The following NDC80 variants were observed in gnomAD, a reference collection of about 807,000 sequenced individuals.
The protein encoded by NDC80 is kinetochore protein NDC80 homolog.
In NDC80, 69 loss-of-function variants were observed where a neutral mutation model predicts 89.3. The ratio of observed to expected loss-of-function variants is 0.77; its 90% CI spans 0.64 to 0.94. The LOEUF is 0.94. NDC80 is among the 40% of genes least tolerant of loss of function. The probability of loss-of-function intolerance (pLI) is 0.00; values close to 1 mark genes in which losing one functional copy is unlikely to be tolerated. For synonymous variants in NDC80, 243 were observed against 255.6 expected (o/e 0.95, Z 0.47); for missense variants, 593 against 739.6 (o/e 0.80, Z 2.30).
intron 1 of NDC80, among the ~76,000 whole-genome samples, chr18:2,572,018 T>C (rs376871780): frequency 1.3e-5 from 2 of 152,272 alleles, no homozygotes; most frequent in Middle Eastern, 3.4e-3. Context: ...TGAATACTAG[T>C]GTAGCTTCTT....
At chr18:2,594,129 G>T (rs2072641871) in intron 10 of NDC80, 1 of 158,652 alleles carries the variant, frequency 6.3e-6, no homozygotes, top group Non-Finnish European at 1.4e-5. Flanking sequence ...CTGACCTCAG[G>T]TGATCCGCCT....
At chr18:2,596,144 T>G (rs1197549931) in intron 11 of NDC80, among the ~76,000 whole-genome samples, 1 of 152,072 alleles carries the variant, frequency 6.6e-6, no homozygotes, top group Non-Finnish European at 1.5e-5. Flanking sequence ...GTACATGGTG[T>G]GGGGAGATGG....
chr18:2,575,273 C>T (rs12960772), intron 3 of NDC80, among the ~76,000 whole-genome samples: 27,060 of 152,202 alleles, frequency 0.18, 2,906 homozygotes, highest in South Asian at 0.3. Flanking sequence ...TTCATTGTTA[C>T]AAGTAAATAG....
intron 6 of NDC80, among the ~76,000 whole-genome samples, chr18:2,581,239 G>C (rs532692352): frequency 7.7e-4 from 117 of 152,088 alleles, no homozygotes; most frequent in African/African-American, 2.6e-3. Context: ...AAATTTTCTC[G>C]TAGTATTTTG....
intron 16 of NDC80, among the ~76,000 whole-genome samples, chr18:2,612,276 CTTTTTTTTTTTTTT>C (rs55648444): frequency 8.3e-5 from 5 of 60,400 alleles, no homozygotes; most frequent in African/African-American, 1.9e-4. Context: ...TCTTTTCTTT[CTTTTTTTTTTTTTT>C]TTTTTTTTTT....
At chr18:2,595,243 G>A (rs1279127055) in intron 10 of NDC80, among the ~76,000 whole-genome samples, 173 bp from the exon 11 acceptor site, 2 of 95,012 alleles carry the variant, frequency 2.1e-5, no homozygotes, top group Non-Finnish European at 4.2e-5. Context: ...ATATATATAT[G>A]AGACTTGGAA....
intron 13 of NDC80, among the ~76,000 whole-genome samples, chr18:2,606,046 G>C (rs965006869): frequency 2.0e-5 from 3 of 151,624 alleles, no homozygotes; most frequent in African/African-American, 7.3e-5. Context: ...CAAATGAAAA[G>C]CTAAATAGCT....
chr18:2,610,706 G>C, intron 15 of NDC80, 53 bp from the exon 16 acceptor site: 1 of 1,193,808 alleles, frequency 8.4e-7, no homozygotes, highest in Admixed American at 2.0e-5. Flanking sequence ...TAACTAGAAC[G>C]GATGTATTAA....
intron 13 of NDC80, 68 bp from the exon 14 acceptor site, chr18:2,606,347 C>T (rs971335115): frequency 3.2e-5 from 34 of 1,069,174 alleles, no homozygotes; most frequent in Non-Finnish European, 4.1e-5. Flanking sequence ...AATATAAAAA[C>T]TCTATAACTT....
chr18:2,593,045 TG>T (rs2072635504), intron 10 of NDC80, among the ~76,000 whole-genome samples: 4 of 122,448 alleles, frequency 3.3e-5, no homozygotes, highest in African/African-American at 6.9e-5. Flanking sequence ...TGTGTGTGTG[TG>T]TGTGTGTGTC....
At chr18:2,614,486 AG>A (rs2072764485) in intron 16 of NDC80, 1 of 1,540 alleles carries the variant, frequency 6.5e-4, no homozygotes, top group Non-Finnish European at 1.2e-3. Context: ...AAAGAAAGGA[AG>A]GAAGGAAGGA....
rs1274417847 is a variant in NDC80, at chr18:2,599,187, T to G, written c.1374+16T>G. On this transcript the variant is annotated intron_variant, in intron 12 of 16. Transcript: ENST00000261597. ...TCAAGTTTATGTAAGTAATCATGAC[T>G]ACTTTTAAGATTTTTTTAATTCTGT... 6 of 1,589,488 alleles carry G rather than the reference T, an allele frequency of 3.8e-6. No individual in the cohort carries two copies. The African/African-American group carries it at 6.8e-5, about 18-fold the overall frequency.
intron 16 of NDC80, among the ~76,000 whole-genome samples, chr18:2,612,585 G>T (rs1246948165): frequency 3.3e-5 from 5 of 151,988 alleles, no homozygotes; most frequent in Non-Finnish European, 7.4e-5. Flanking sequence ...CACTCGCCTG[G>T]CAGTGATTTT....
chr18:2,574,365 T>C (rs559049853), intron 2 of NDC80, among the ~76,000 whole-genome samples: 5 of 152,168 alleles, frequency 3.3e-5, no homozygotes, highest in Non-Finnish European at 7.4e-5. Flanking sequence ...TAGGAGAATA[T>C]TGACTGTTCC....
Position 2,595,444 on chromosome 18 carries a change from G to C in NDC80, c.1044G>C (p.Glu348Asp). ...TAGAATGTGAAACAATAAAACAGGA[G>C]AACACTCGACTACAGAATATCATTG... is the stretch of plus-strand genomic sequence containing the variant. ...VELECETIKQ[E>D]NTRLQNIIDN... Residue 348 changes from glutamate to aspartate, a missense_variant, in exon 11 of 17, where the codon GAG (glutamate) becomes GAC (aspartate). Transcript: ENST00000261597. 1.2e-6 allele frequency: 2 copies of C among 1,613,488 alleles called. No homozygotes were observed. Among genetic ancestry groups the C allele is most frequent in the Non-Finnish European group, 1.7e-6 (2 of 1,179,738 alleles).
At chr18:2,575,657 G>C (rs1217116960) in intron 3 of NDC80, among the ~76,000 whole-genome samples, 1 of 152,102 alleles carries the variant, frequency 6.6e-6, no homozygotes, top group African/African-American at 2.4e-5. Context: ...GGGTGTGGTG[G>C]CTCACACCTG....
chr18:2,597,663 G>C (rs1372988790), intron 11 of NDC80, among the ~76,000 whole-genome samples: 3 of 152,030 alleles, frequency 2.0e-5, no homozygotes, highest in Non-Finnish European at 4.4e-5. Flanking sequence ...CCCGGAGGCG[G>C]AAGTTGCAGT....
At chr18:2,615,927 A>G (rs1465476306) in intron 16 of NDC80, among the ~76,000 whole-genome samples, 2 of 152,204 alleles carry the variant, frequency 1.3e-5, no homozygotes, top group African/African-American at 2.4e-5. Context: ...GAAAAGCAAA[A>G]CACCATTCAG....
intron 10 of NDC80, among the ~76,000 whole-genome samples, chr18:2,592,472 C>T (rs964107813): frequency 6.6e-6 from 1 of 151,692 alleles, no homozygotes; most frequent in African/African-American, 2.4e-5. Context: ...TCTCCTCCCT[C>T]AGTTTCCCAA....
Sources: gnomAD v4.1 joint callset for allele counts (sites outside exome capture counted in the v4.1 genomes callset) on GRCh38, gnomAD v4.1.1 for gene constraint, MANE v1.5 for transcripts, NCBI Gene and HGNC (gene_info 2026-07-23, HGNC 2026-07-21) for gene names.